The following DIP2C variants were observed in gnomAD, a reference collection of about 807,000 sequenced individuals.
DIP2C encodes the protein DIP2 acetate--CoA ligase C (putative).
A neutral mutation model predicts 192.4 loss-of-function variants in DIP2C; 33 were observed. The observed-to-expected ratio is 0.17, with a 90% CI of 0.13 to 0.23. DIP2C has a LOEUF of 0.23. DIP2C is among the 10% of genes least tolerant of loss of function. The pLI is 1.00. For missense variants in DIP2C, 1,537 were observed against 2,110.1 expected (o/e 0.73, Z 5.32); for synonymous variants, 979 against 864.1 (o/e 1.13, Z -2.33).
At chr10:393,287 C>T (rs1963644762) in intron 10 of DIP2C, among the ~76,000 whole-genome samples, 1 of 152,182 alleles carries the variant, frequency 6.6e-6, no homozygotes, top group Non-Finnish European at 1.5e-5. Flanking sequence ...TACTTAACTA[C>T]ACGAATATGC....
intron 1 of DIP2C, among the ~76,000 whole-genome samples, chr10:570,161 C>T (rs940897810): frequency 3.3e-5 from 5 of 152,204 alleles, no homozygotes; most frequent in Admixed American, 6.5e-5. Context: ...AAAGCAGCTC[C>T]AGCATTCCAT....
chr10:296,456 C>G (rs1955757866), intron 32 of DIP2C, among the ~76,000 whole-genome samples: 1 of 152,104 alleles, frequency 6.6e-6, no homozygotes, highest in Non-Finnish European at 1.5e-5. Flanking sequence ...TAAACTAGTT[C>G]AACCATTGTG....
chr10:545,149 C>T (rs377098235), intron 1 of DIP2C, among the ~76,000 whole-genome samples: 129 of 139,498 alleles, frequency 9.2e-4, no homozygotes, highest in South Asian at 8.4e-3. Flanking sequence ...CCTGATCCAA[C>T]ATGACTGGTG....
chr10:462,640 A>G (rs903303434), intron 3 of DIP2C, among the ~76,000 whole-genome samples: 2 of 152,176 alleles, frequency 1.3e-5, no homozygotes, highest in African/African-American at 4.8e-5. Context: ...TTCCAAAACA[A>G]TAGAAAAGAG....
Position 320,219 on chromosome 10 carries a change from T to C in DIP2C, c.3924+6787A>G, listed in dbSNP as rs140091456. Among the ~76,000 whole-genome samples, 264 of 152,338 alleles carry C rather than the reference T, an allele frequency of 1.7e-3. 1 individual carries two copies. Among genetic ancestry groups the C allele is most frequent in the African/African-American group, 6.1e-3 (253 of 41,572 alleles). On this transcript the variant is annotated intron_variant, in intron 31 of 36. Coordinates refer to ENST00000280886, the MANE Select transcript of DIP2C (RefSeq NM_014974.3). ...GTAAGGATATGTTTAATTTCTCTAA[T>C]GTGAATTGTATTTACACACACAGAT...
At chr10:603,968 GCC>G (rs1240990385) in intron 1 of DIP2C, among the ~76,000 whole-genome samples, 1 of 146,532 alleles carries the variant, frequency 6.8e-6, no homozygotes, top group Non-Finnish European at 1.5e-5. Flanking sequence ...CCCACCCTTG[GCC>G]CCAAGCCCCT....
intron 10 of DIP2C, 21 bp from the exon 11 acceptor site, chr10:390,884 A>T: frequency 6.2e-7 from 1 of 1,612,856 alleles, no homozygotes; most frequent in South Asian, 1.1e-5. Context: ...AACAGAGAGG[A>T]GTTGAGAATC....
chr10:623,347 T>G (rs1853988860), intron 1 of DIP2C, among the ~76,000 whole-genome samples: 1 of 147,158 alleles, frequency 6.8e-6, no homozygotes, highest in Admixed American at 6.7e-5. Context: ...GCTGCAGCCG[T>G]GCTGGCGAGG....
At chr10:383,939 G>C (rs2132895156) in intron 16 of DIP2C, 88 bp downstream of exon 16, 1 of 1,378,492 alleles carries the variant, frequency 7.3e-7, no homozygotes, top group Non-Finnish European at 9.3e-7. Context: ...AAATAAAAAA[G>C]ACTTCACAGC....
chr10:329,077 A>G (rs909271121), intron 30 of DIP2C, among the ~76,000 whole-genome samples: 2 of 152,192 alleles, frequency 1.3e-5, no homozygotes, highest in African/African-American at 4.8e-5. Context: ...TACCTTCTTA[A>G]ACACCAGTAT....
At chr10:548,307 T>C (rs1848407272) in intron 1 of DIP2C, among the ~76,000 whole-genome samples, 1 of 143,008 alleles carries the variant, frequency 7.0e-6, no homozygotes, top group Non-Finnish European at 1.5e-5. Flanking sequence ...CCCAGAGACC[T>C]ACGGCTGGAA....
At chr10:633,566 G>C (rs1854656865) in intron 1 of DIP2C, among the ~76,000 whole-genome samples, 1 of 152,208 alleles carries the variant, frequency 6.6e-6, no homozygotes, top group Non-Finnish European at 1.5e-5. Flanking sequence ...TGAGCCAGGG[G>C]GCCCTCGCGT....
At chr10:572,065 C>A (rs553615823) in intron 1 of DIP2C, among the ~76,000 whole-genome samples, 3 of 152,334 alleles carry the variant, frequency 2.0e-5, no homozygotes, top group East Asian at 3.9e-4. Context: ...GTTTTCCTCT[C>A]TGAAAGGAGA....
At chr10:387,580 G>A (rs1191270624) in intron 14 of DIP2C, among the ~76,000 whole-genome samples, 165 bp downstream of exon 14, 1 of 143,916 alleles carries the variant, frequency 6.9e-6, no homozygotes, top group Non-Finnish European at 1.5e-5. Context: ...GGCGACTCCT[G>A]TGTGGACAGG....
At chr10:395,873 C>A (rs746791391) in intron 10 of DIP2C, among the ~76,000 whole-genome samples, 1 of 152,190 alleles carries the variant, frequency 6.6e-6, no homozygotes, top group Non-Finnish European at 1.5e-5. Context: ...GACCTCCCAG[C>A]GTGAGAAGTC....
chr10:579,630 C>T (rs60980307), intron 1 of DIP2C, among the ~76,000 whole-genome samples: 6 of 152,112 alleles, frequency 3.9e-5, no homozygotes, highest in African/African-American at 1.4e-4. Context: ...TGCACTGTAA[C>T]ATGTACATGC....
At position 660,234 on chromosome 10, in the gene DIP2C, T is replaced by C. The variant is rs906523551; in HGVS notation, c.85+29260A>G. On this transcript the variant is annotated intron_variant, in intron 1 of 36. Coordinates refer to ENST00000280886, the MANE Select transcript of DIP2C (RefSeq NM_014974.3). ...TTCTAGCCCTTGTCCCTGTTTCAAGTTCTGTGTATGAAACGGAGATTCTAG... is the reference window on the plus strand; with the variant it reads ...TTCTAGCCCTTGTCCCTGTTTCAAGCTCTGTGTATGAAACGGAGATTCTAG... 8.7e-4 allele frequency among the ~76,000 whole-genome samples: 118 copies of C among 136,044 alleles called. 6 individuals carry two copies. In the South Asian group the frequency reaches 0.022, roughly 26 times the overall value. 89.3% of individuals were successfully genotyped at this position (136,044 alleles called of 152,430 possible).
Position 369,537 on chromosome 10 carries a change from C to T in DIP2C, c.2088G>A (p.Leu696=), listed in dbSNP as rs1960705657. 1 of 1,582,728 alleles carries T rather than the reference C, an allele frequency of 6.3e-7. No homozygotes were observed. The highest frequency in any genetic ancestry group is 1.2e-5 in the South Asian group (1 of 85,056). ...GVIRVDSEEK[L]SVLTVQDVGL... Reference sequence around the variant, plus strand: ...CGACATCCTGCACGGTGAGCACGGACAGCTTCTCTTCCGAGTCCACACGAA... The same window carrying T: ...CGACATCCTGCACGGTGAGCACGGATAGCTTCTCTTCCGAGTCCACACGAA... Residue 696 remains leucine, a synonymous_variant, in exon 18 of 37, where the codon CTG becomes CTA. Transcript: ENST00000280886.
At position 440,893 on chromosome 10, in the gene DIP2C, C is replaced by T. The variant is rs756419784; in HGVS notation, c.372G>A (p.Ser124=). 24 of 1,613,294 alleles carry T rather than the reference C, an allele frequency of 1.5e-5. No homozygotes were observed. Among genetic ancestry groups the T allele is most frequent in the East Asian group, 1.1e-4 (5 of 44,888 alleles). ...SKRRSLVVQT[S]MDAYTPPDTS... is the part of the protein sequence containing the mutation. The stretch of plus-strand genomic sequence containing the variant: ...TACCTGGAGGGGTGTAGGCGTCCAT[C>T]GAGGTCTGCACGACCAGGGACCTGC... Residue 124 remains serine, a synonymous_variant, in exon 4 of 37, where the codon TCG becomes TCA. Transcript: ENST00000280886.
Sources: allele counts gnomAD v4.1 joint callset (sites outside exome capture counted in the v4.1 genomes callset), GRCh38; gene constraint gnomAD v4.1.1; transcripts MANE v1.5; gene names NCBI Gene and HGNC (gene_info 2026-07-23, HGNC 2026-07-21).